FAM149A: variants seen among roughly 807,000 people sequenced by gnomAD.
The protein encoded by FAM149A is protein FAM149A.
A neutral mutation model predicts 78.2 loss-of-function variants in FAM149A; 71 were observed. The ratio of observed to expected loss-of-function variants is 0.91; its 90% CI spans 0.75 to 1.11. FAM149A has a LOEUF of 1.11. Among genes scored for constraint, FAM149A ranks in the 50% least tolerant of loss-of-function variants. The pLI is 0.00. For synonymous variants in FAM149A, 446 were observed against 410.5 expected (o/e 1.09, Z -1.04); for missense variants, 1,036 against 971.0 (o/e 1.07, Z -0.89).
chr4:186,116,912 A>G (rs1467583239), intron 1 of FAM149A: 1 of 218,580 alleles, frequency 4.6e-6, no homozygotes, highest in Non-Finnish European at 7.8e-6. Flanking sequence ...TAATCATAAC[A>G]GCTCATGTAA....
chr4:186,131,578 T>C (rs886979140), intron 1 of FAM149A, among the ~76,000 whole-genome samples: 5 of 152,232 alleles, frequency 3.3e-5, no homozygotes, highest in African/African-American at 1.2e-4. Context: ...CATAGCAGCC[T>C]GAGCTGAATG....
At chr4:186,158,565 G>T (rs1311586199) in intron 8 of FAM149A, 4 of 823,724 alleles carry the variant, frequency 4.9e-6, no homozygotes, top group East Asian at 3.6e-4. Flanking sequence ...AGTTTCAGGG[G>T]AACAGATTGC....
In FAM149A at chr4:186,125,211, C is replaced by A. The variant is rs2099317789; in HGVS notation, c.566+19569C>A. Reference sequence around the variant, plus strand: ...GCTGTTGGCATCTCACAAACCTTTTCCTTTCTCTCAGTACTTTTTCTCTAA... The same window carrying A: ...GCTGTTGGCATCTCACAAACCTTTTACTTTCTCTCAGTACTTTTTCTCTAA... On this transcript the variant is annotated intron_variant, in intron 1 of 13. Coordinates refer to ENST00000389354, the MANE Select transcript of FAM149A (RefSeq NM_001367768.3). 4.1e-6 allele frequency: 4 copies of A among 973,318 alleles called. No individual in the cohort carries two copies. The Admixed American group carries it at 2.5e-4, about 60-fold the overall frequency. The allele number at this position is 973,318 out of a possible 1,614,324, so 60.3% of individuals were successfully genotyped here.
At position 186,105,006 on chromosome 4, in the gene FAM149A, G is replaced by C. The variant is rs2150072329; in HGVS notation, c.-71G>C. On this transcript the variant is annotated 5_prime_UTR_variant, in exon 1 of 14. Transcript: ENST00000389354. ...CCTCAGGCTCCTCGCCCCGGCCCGGGCCGCCTCGGCCGGATCTCCGCGGTC... is the reference window on the plus strand; with the variant it reads ...CCTCAGGCTCCTCGCCCCGGCCCGGCCCGCCTCGGCCGGATCTCCGCGGTC... The C allele has an allele frequency of 8.1e-7, 1 of 1,238,116 alleles. No individual in the cohort carries two copies. Among genetic ancestry groups the C allele is most frequent in the African/African-American group, 1.6e-5 (1 of 61,418 alleles). The allele number at this position is 1,238,116 out of a possible 1,614,324, so 76.7% of individuals were successfully genotyped here.
At chr4:186,130,830 A>G (rs942844039) in intron 1 of FAM149A, among the ~76,000 whole-genome samples, 16 of 152,198 alleles carry the variant, frequency 1.1e-4, no homozygotes, top group African/African-American at 3.9e-4. Context: ...AGGAGAGTAC[A>G]GTAGACAAGC....
intron 13 of FAM149A, among the ~76,000 whole-genome samples, chr4:186,168,694 G>T (rs561534183): frequency 6.6e-6 from 1 of 152,318 alleles, no homozygotes; most frequent in African/African-American, 2.4e-5. Context: ...TGCTTGGGGG[G>T]AAGTAGGCGC....
chr4:186,165,307 G>A, intron 10 of FAM149A, 37 bp from the exon 11 acceptor site: 1 of 1,613,018 alleles, frequency 6.2e-7, no homozygotes, highest in Non-Finnish European at 8.5e-7. Context: ...AGTTATCCAT[G>A]TACCTGGGTG....
intron 8 of FAM149A, among the ~76,000 whole-genome samples, chr4:186,161,251 G>A (rs1332933531): frequency 1.3e-5 from 2 of 152,100 alleles, no homozygotes; most frequent in East Asian, 3.8e-4. Flanking sequence ...GGTGTGATTC[G>A]TTAACATGAG....
chr4:186,170,385 C>T (rs1735424565), intron 13 of FAM149A, among the ~76,000 whole-genome samples: 2 of 152,222 alleles, frequency 1.3e-5, no homozygotes, highest in South Asian at 2.1e-4. Context: ...TAACGCAGTG[C>T]CTGGTGCATA....
At chr4:186,116,441 C>T (rs1429185663) in intron 1 of FAM149A, 1 of 983,732 alleles carries the variant, frequency 1.0e-6, no homozygotes, top group East Asian at 1.1e-4. Flanking sequence ...CTTTCTATTA[C>T]AGTCATATGA....
chr4:186,165,398 GT>G lies in FAM149A; in HGVS notation c.1946del (p.Phe649SerfsTer4). On this transcript the variant is annotated frameshift_variant, in exon 11 of 14. Coordinates refer to ENST00000389354, the MANE Select transcript of FAM149A (RefSeq NM_001367768.3). LOFTEE classifies it high-confidence loss of function. ...CACTGGTTCAAACGTCACGGAGCAG[GT>G]TCCCCCCGCTAGTCACGGAGACCAG... The G allele has an allele frequency of 6.2e-7, 1 of 1,614,208 alleles. No homozygotes were observed. The highest frequency in any genetic ancestry group is 1.7e-5 in the Admixed American group (1 of 60,032).
Position 186,175,178 on chromosome 4 carries a change from G to A in FAM149A, c.*3191G>A, listed in dbSNP as rs144859077. Among the ~76,000 whole-genome samples, 64 of 111,006 alleles carry A rather than the reference G, an allele frequency of 5.8e-4. 14 individuals are homozygous for A. Among genetic ancestry groups the A allele is most frequent in the African/African-American group, 1.6e-3 (58 of 35,710 alleles). 72.8% of individuals were successfully genotyped at this position (111,006 alleles called of 152,430 possible). Reference sequence around the variant, plus strand: ...AATTTCTACACCAATTCAGAAGTACGTTTTTATATATCATTTGGATATTAT... The same window carrying A: ...AATTTCTACACCAATTCAGAAGTACATTTTTATATATCATTTGGATATTAT... On this transcript the variant is annotated 3_prime_UTR_variant, in exon 14 of 14. Transcript: ENST00000389354.
At chr4:186,150,135 G>A (rs1402694072) in intron 3 of FAM149A, among the ~76,000 whole-genome samples, 1 of 151,818 alleles carries the variant, frequency 6.6e-6, no homozygotes, top group Non-Finnish European at 1.5e-5. Flanking sequence ...ACCGCTGGGG[G>A]CGCTGTTGCC....
intron 1 of FAM149A, among the ~76,000 whole-genome samples, chr4:186,135,061 C>T (rs1251210949): frequency 6.6e-6 from 1 of 152,200 alleles, no homozygotes; most frequent in East Asian, 1.9e-4. Context: ...TCCACATTCG[C>T]ACTGCAGACT....
chr4:186,124,122 T>C (rs1450440730), intron 1 of FAM149A: 1 of 984,800 alleles, frequency 1.0e-6, no homozygotes, highest in African/African-American at 1.8e-5. Flanking sequence ...AAGGATGGAC[T>C]TACGATAAGA....
chr4:186,125,309 C>T, intron 1 of FAM149A: 1 of 985,402 alleles, frequency 1.0e-6, no homozygotes, highest in Non-Finnish European at 1.2e-6. Flanking sequence ...CGAACCATAT[C>T]TTTCTCGTTG....
intron 1 of FAM149A, among the ~76,000 whole-genome samples, chr4:186,118,994 G>A (rs781562248): frequency 2.0e-5 from 3 of 152,094 alleles, no homozygotes; most frequent in Non-Finnish European, 2.9e-5. Context: ...GAGGGCCAAA[G>A]GTAAGTGAAA....
chr4:186,125,373 TTGA>T, intron 1 of FAM149A: 2 of 974,674 alleles, frequency 2.1e-6, no homozygotes, highest in South Asian at 9.5e-5. Flanking sequence ...CGGAGGTCTC[TTGA>T]TGATAGCCAC....
intron 1 of FAM149A, chr4:186,109,147 G>A (rs1031867292): frequency 1.0e-6 from 1 of 985,140 alleles, no homozygotes; most frequent in South Asian, 4.7e-5. Flanking sequence ...GCGCCCGGCC[G>A]GTCTTATTCT....
Sources: allele counts gnomAD v4.1 joint callset (sites outside exome capture counted in the v4.1 genomes callset), GRCh38; gene constraint gnomAD v4.1.1; transcripts MANE v1.5; gene names NCBI Gene and HGNC (gene_info 2026-07-23, HGNC 2026-07-21).